CARMIL2: variants seen among roughly 807,000 people sequenced by gnomAD.
CARMIL2 encodes the protein capping protein, Arp2/3 and myosin-I linker protein 2.
Under a neutral mutation model 173.3 loss-of-function variants are expected in CARMIL2, and 96 were observed. The observed-to-expected ratio is 0.55, with a 90% CI of 0.47 to 0.66. The LOEUF (loss-of-function observed/expected upper bound fraction) is 0.66, where lower values mean the gene tolerates loss of function less well. Ranked by LOEUF, CARMIL2 falls within the 30% of genes least tolerant of loss-of-function variation. The pLI, the probability that CARMIL2 is intolerant of heterozygous loss-of-function variation, is 0.00. For synonymous variants in CARMIL2, 830 were observed against 817.1 expected (o/e 1.02, Z -0.27); for missense variants, 1,771 against 1,906.7 (o/e 0.93, Z 1.33).
chr16:67,655,285 A>G (rs1386885874), intron 32 of CARMIL2, among the ~76,000 whole-genome samples: 1 of 152,158 alleles, frequency 6.6e-6, no homozygotes, highest in Non-Finnish European at 1.5e-5. Context: ...TACAAAAATT[A>G]GCCGGGTGTG....
At position 67,656,781 on chromosome 16, in the gene CARMIL2, G is replaced by A. The variant is rs773137709; in HGVS notation, c.4037-20G>A. On this transcript the variant is annotated intron_variant, in intron 35 of 37. Transcript: ENST00000334583. Reference sequence around the variant, plus strand: ...TGGGGGCAGCTGTTGGAATACCCCTGATTCCCTGGCCTCCCTCAGATGGCC... The same window carrying A: ...TGGGGGCAGCTGTTGGAATACCCCTAATTCCCTGGCCTCCCTCAGATGGCC... The A allele has an allele frequency of 1.3e-5, 20 of 1,549,208 alleles. No individual in the cohort carries two copies. Among genetic ancestry groups the A allele is most frequent in the Non-Finnish European group, 1.7e-5 (20 of 1,147,390 alleles).
rs769762577 is a variant in CARMIL2, at chr16:67,646,660, C to G, written c.467-54C>G. Reference sequence around the variant, plus strand: ...GTCTGTGGGTCTGGTCTTCCTCCATCGCTGATGTTTTGTCTCTCTCCTTTT... The same window carrying G: ...GTCTGTGGGTCTGGTCTTCCTCCATGGCTGATGTTTTGTCTCTCTCCTTTT... On this transcript the variant is annotated intron_variant, in intron 6 of 37. Transcript: ENST00000334583. The surrounding 1 kb of genome is among the most constrained non-coding windows in gnomAD (Gnocchi z 4.6). 3 of 1,594,768 alleles carry G rather than the reference C, an allele frequency of 1.9e-6. No individual in the cohort carries two copies. Among genetic ancestry groups the G allele is most frequent in the East Asian group, 2.2e-5 (1 of 44,776 alleles).
In CARMIL2 at chr16:67,655,517, G is replaced by A. The variant is rs555584356; in HGVS notation, c.3706-514G>A. Among the ~76,000 whole-genome samples the A allele has an allele frequency of 6.6e-5, 10 of 152,350 alleles. No individual in the cohort carries two copies. The East Asian group carries it at 1.9e-3, about 29-fold the overall frequency. On this transcript the variant is annotated intron_variant, in intron 32 of 37. Transcript: ENST00000334583. ...GGGCTTCCTCTCAAGACACTGTTCA[G>A]ACTCCACAACCTGCTTCAGAGCCCT...
Position 67,649,545 on chromosome 16 carries a change from T to C in CARMIL2, c.1845T>C (p.Asp615=), listed in dbSNP as rs1027290222. The C allele has an allele frequency of 1.9e-6, 3 of 1,605,130 alleles. No homozygotes were observed. The highest frequency in any genetic ancestry group is 1.7e-5 in the Admixed American group (1 of 60,016). The stretch of plus-strand genomic sequence containing the variant: ...CCAATCCTAACCTGACCGCGCTGGA[T>C]ATCAGCGGCAACGCCATGGGGGACG... The part of the protein sequence containing the change: ...LATNPNLTAL[D]ISGNAMGDAG... The change falls in exon 20 of 38, where the codon GAT becomes GAC. Residue 615 remains aspartate, a synonymous_variant. Transcript: ENST00000334583. The surrounding 1 kb of genome is among the most constrained non-coding windows in gnomAD (Gnocchi z 6.7).
rs2052614903 is a variant in CARMIL2, at chr16:67,647,403, C to A, written c.776+16C>A. On this transcript the variant is annotated intron_variant, in intron 10 of 37. Coordinates refer to ENST00000334583, the MANE Select transcript of CARMIL2 (RefSeq NM_001013838.3). ...GCCTGAGGGGGTGAGGGGGACAGGG[C>A]AGGGCTTGGAGAGGAGAGTCTGGAG... The A allele has an allele frequency of 1.9e-6, 3 of 1,568,044 alleles. No homozygotes were observed. Among genetic ancestry groups the A allele is most frequent in the Non-Finnish European group, 1.7e-6 (2 of 1,156,268 alleles).
At position 67,657,194 on chromosome 16, in the gene CARMIL2, C is replaced by A. The variant is rs1369466687; in HGVS notation, c.4118-45C>A. The A allele has an allele frequency of 8.3e-6, 13 of 1,565,390 alleles. No homozygotes were observed. Among genetic ancestry groups the A allele is most frequent in the Non-Finnish European group, 1.1e-5 (12 of 1,141,038 alleles). On this transcript the variant is annotated intron_variant, in intron 36 of 37. Transcript: ENST00000334583. The surrounding 1 kb of genome is among the most constrained non-coding windows in gnomAD (Gnocchi z 4.5). Reference sequence around the variant, plus strand: ...AAGAGAGGGGCAGGGGATGGACAGACCCCAAGCCTTAGCAACCCACCCCAA... The same window carrying A: ...AAGAGAGGGGCAGGGGATGGACAGAACCCAAGCCTTAGCAACCCACCCCAA...
rs1315976707 is a variant in CARMIL2, at chr16:67,648,034, C to A, written c.1072-18C>A. 1 of 1,610,108 alleles carries A rather than the reference C, an allele frequency of 6.2e-7. No homozygotes were observed. Among genetic ancestry groups the A allele is most frequent in the Non-Finnish European group, 8.5e-7 (1 of 1,178,334 alleles). ...GTAGGCGATCCCCCACTCCATCGCA[C>A]CCCTGTCCTCCCTCCAGGGCCTCTA... is the stretch of plus-strand genomic sequence containing the variant. On this transcript the variant is annotated intron_variant, in intron 13 of 37. Transcript: ENST00000334583. This position sits in a 1 kb window ranked among gnomAD's most constrained non-coding sequence, Gnocchi z 6.1.
rs371940343 is a variant in CARMIL2, at chr16:67,652,512, G to T, written c.2858G>T (p.Gly953Val). ...PPQKWPELSH[G>V]LHLVPFIHSA... Reference sequence around the variant, plus strand: ...CAGAAATGGCCTGAGCTCAGCCACGGTCTTCACCTGGTCCCCTTCATTCAC... The same window carrying T: ...CAGAAATGGCCTGAGCTCAGCCACGTTCTTCACCTGGTCCCCTTCATTCAC... The change falls in exon 28 of 38, where the codon GGT becomes GTT. Residue 953 changes from glycine to valine, a missense_variant. This residue lies in a region of CARMIL2 where 817 missense variants were observed against 903.5 expected (regional missense o/e 0.90). Transcript: ENST00000334583. This position sits in a 1 kb window ranked among gnomAD's most constrained non-coding sequence, Gnocchi z 4.7. 7 of 1,613,476 alleles carry T rather than the reference G, an allele frequency of 4.3e-6. No homozygotes were observed. Among genetic ancestry groups the T allele is most frequent in the Non-Finnish European group, 3.4e-6 (4 of 1,179,808 alleles).
At position 67,656,525 on chromosome 16, in the gene CARMIL2, G is replaced by A. The variant is rs2142958206; in HGVS notation, c.3916G>A (p.Gly1306Ser). Residue 1306 changes from glycine to serine, a missense_variant, in exon 35 of 38, where the codon GGC becomes AGC. By Grantham distance (56) the Gly-to-Ser change is moderately conservative. Transcript: ENST00000334583. ...LNAELRSRGWGQQDGPGPPSP... is the reference protein window; with the variant it reads ...LNAELRSRGWSQQDGPGPPSP... ...TGCGGAGCTCAGGAGCCGTGGTTGGGGCCAACAGGATGGTCCAGGCCCTCC... is the reference window on the plus strand; with the variant it reads ...TGCGGAGCTCAGGAGCCGTGGTTGGAGCCAACAGGATGGTCCAGGCCCTCC... The A allele has an allele frequency of 2.5e-6, 4 of 1,613,562 alleles. No homozygotes were observed. Among genetic ancestry groups the A allele is most frequent in the Non-Finnish European group, 3.4e-6 (4 of 1,179,828 alleles).
chr16:67,656,939 C>T (rs1360762022), intron 36 of CARMIL2, 58 bp downstream of exon 36: 7 of 1,343,086 alleles, frequency 5.2e-6, no homozygotes, highest in Non-Finnish European at 7.2e-6. Context: ...GGGTGGGCTT[C>T]TGGGGCTCCC....
Position 67,649,362 on chromosome 16 carries a change from C to T in CARMIL2, c.1746+51C>T. On this transcript the variant is annotated intron_variant, in intron 19 of 37. Coordinates refer to ENST00000334583, the MANE Select transcript of CARMIL2 (RefSeq NM_001013838.3). This position sits in a 1 kb window ranked among gnomAD's most constrained non-coding sequence, Gnocchi z 6.7. ...CTCGGGCAATTAGACCACTTTGGTC[C>T]TCCTTTCTCTTGTTCCCTCAGACCC... 1 of 1,609,018 alleles carries T rather than the reference C, an allele frequency of 6.2e-7. No individual in the cohort carries two copies. The highest frequency in any genetic ancestry group is 1.1e-5 in the South Asian group (1 of 91,038).
In CARMIL2 at chr16:67,652,049, C is replaced by T. The variant is rs753681345; in HGVS notation, c.2676+41C>T. Reference sequence around the variant, plus strand: ...GCACACACTTTCGTGCAAACACACACATGCAGTGACTTGGCCATCTCCCTT... The same window carrying T: ...GCACACACTTTCGTGCAAACACACATATGCAGTGACTTGGCCATCTCCCTT... On this transcript the variant is annotated intron_variant, in intron 26 of 37. Transcript: ENST00000334583. The surrounding 1 kb of genome is among the most constrained non-coding windows in gnomAD (Gnocchi z 4.7). 3 of 1,606,686 alleles carry T rather than the reference C, an allele frequency of 1.9e-6. No homozygotes were observed. Among genetic ancestry groups the T allele is most frequent in the South Asian group, 2.2e-5 (2 of 90,946 alleles).
intron 36 of CARMIL2, 51 bp downstream of exon 36, chr16:67,656,932 T>C (rs1186907189): frequency 2.2e-6 from 3 of 1,387,784 alleles, no homozygotes; most frequent in African/African-American, 1.5e-5. Flanking sequence ...TGTGGGAGGG[T>C]GGGCTTCTGG....
chr16:67,649,206 C>T lies in CARMIL2; in HGVS notation c.1688+34C>T, dbSNP rs374574303. On this transcript the variant is annotated intron_variant, in intron 18 of 37. Coordinates refer to ENST00000334583, the MANE Select transcript of CARMIL2 (RefSeq NM_001013838.3). This position sits in a 1 kb window ranked among gnomAD's most constrained non-coding sequence, Gnocchi z 6.7. ...CCACCCTACTCCTGGGCCTCCCAGA[C>T]AACACCCCACCACCCCTGTCCCCCA... The T allele has an allele frequency of 6.2e-7, 1 of 1,612,814 alleles. No homozygotes were observed. The highest frequency in any genetic ancestry group is 1.1e-5 in the South Asian group (1 of 90,974).
chr16:67,656,170 G>A lies in CARMIL2; in HGVS notation c.3743-58G>A, dbSNP rs746476669. Reference sequence around the variant, plus strand: ...CTTGGGGAGGAAGGGGAGAGGCCAGGTTTTTCTTCCCCTCACCTCCAAGGT... The same window carrying A: ...CTTGGGGAGGAAGGGGAGAGGCCAGATTTTTCTTCCCCTCACCTCCAAGGT... On this transcript the variant is annotated intron_variant, in intron 33 of 37. Coordinates refer to ENST00000334583, the MANE Select transcript of CARMIL2 (RefSeq NM_001013838.3). The A allele has an allele frequency of 3.1e-6, 5 of 1,611,248 alleles. No homozygotes were observed. In the Admixed American group the frequency reaches 5.0e-5, roughly 16 times the overall value.
chr16:67,648,147 G>C lies in CARMIL2; in HGVS notation c.1167G>C (p.Val389=), dbSNP rs778129716. ...TALDTVRGCS[V]GGWMTGRADW... ...TGGACACTGTGAGGGGGTGCTCCGT[G>C]GGGGGATGGATGACCGGCAGGGCGG... is the stretch of plus-strand genomic sequence containing the variant. Residue 389 remains valine (V), a synonymous_variant, in exon 14 of 38, where the codon GTG becomes GTC. Transcript: ENST00000334583. This position sits in a 1 kb window ranked among gnomAD's most constrained non-coding sequence, Gnocchi z 6.1. 5 of 1,612,308 alleles carry C rather than the reference G, an allele frequency of 3.1e-6. No individual in the cohort carries two copies. Among genetic ancestry groups the C allele is most frequent in the Admixed American group, 1.7e-5 (1 of 59,844 alleles).
chr16:67,652,641 T>TACCC lies in CARMIL2; in HGVS notation c.2884+107_2884+110dup. On this transcript the variant is annotated intron_variant, in intron 28 of 37. Transcript: ENST00000334583. The surrounding 1 kb of genome is among the most constrained non-coding windows in gnomAD (Gnocchi z 4.7). ...ATGAACTCATTCAGCCTTGTCTGGG[T>TACCC]ACCCACCAGCCCTTGACTGGGCCAG... The TACCC allele has an allele frequency of 8.7e-7, 1 of 1,145,724 alleles. No homozygotes were observed. Among genetic ancestry groups the TACCC allele is most frequent in the Non-Finnish European group, 1.3e-6 (1 of 789,070 alleles). 71.0% of individuals were successfully genotyped at this position (1,145,724 alleles called of 1,614,324 possible). A position where few individuals can be genotyped will look rare whatever the true frequency, so the allele number is the denominator to read the frequency against.
Position 67,648,820 on chromosome 16 carries a change from C to T in CARMIL2, c.1509+66C>T, listed in dbSNP as rs1424710314. On this transcript the variant is annotated intron_variant, in intron 16 of 37. Coordinates refer to ENST00000334583, the MANE Select transcript of CARMIL2 (RefSeq NM_001013838.3). The surrounding 1 kb of genome is among the most constrained non-coding windows in gnomAD (Gnocchi z 6.1). ...GCGCTGGGAGGCGGAAGGGCAGGGC[C>T]GTGGGCCGCCTGCCCCTCCCCACTC... 6 of 1,562,478 alleles carry T rather than the reference C, an allele frequency of 3.8e-6. No homozygotes were observed. The highest frequency in any genetic ancestry group is 4.8e-5 in the East Asian group (2 of 41,756).
rs1315317173 is a variant in CARMIL2, at chr16:67,648,482, G to C, written c.1419G>C (p.Lys473Asn). The C allele has an allele frequency of 3.5e-6, 5 of 1,435,434 alleles. No homozygotes were observed. The highest frequency in any genetic ancestry group is 3.6e-6 in the Non-Finnish European group (4 of 1,102,406). The allele number at this position is 1,435,434 out of a possible 1,614,324, so 88.9% of individuals were successfully genotyped here. A position where few individuals can be genotyped will look rare whatever the true frequency, so the allele number is the denominator to read the frequency against. The part of the protein sequence containing the change: ...TLRHLGLAGC[K>N]LPPDALRALL... ...GGCACCTGGGCCTGGCGGGCTGCAAGCTGCCGCCCGACGCGCTCAGGTCAG... is the reference window on the plus strand; with the variant it reads ...GGCACCTGGGCCTGGCGGGCTGCAACCTGCCGCCCGACGCGCTCAGGTCAG... The change falls in exon 15 of 38, where the codon AAG becomes AAC. Residue 473 changes from lysine (K) to asparagine (N), a missense_variant. Physicochemically the swap from Lys to Asn is moderately conservative, Grantham distance 94. This residue lies in a region of CARMIL2 where 944 missense variants were observed against 975.6 expected (regional missense o/e 0.97). Transcript: ENST00000334583. The surrounding 1 kb of genome is among the most constrained non-coding windows in gnomAD (Gnocchi z 6.1).
Sources: gnomAD v4.1 joint callset for allele counts (sites outside exome capture counted in the v4.1 genomes callset) on GRCh38, gnomAD v4.1.1 for gene constraint, gnomAD v4.1.1 regional missense constraint, Gnocchi (gnomAD v3.1) non-coding constraint, MANE v1.5 for transcripts, NCBI Gene and HGNC (gene_info 2026-07-23, HGNC 2026-07-21) for gene names.